SEMA3A: variants seen among roughly 807,000 people sequenced by gnomAD.
SEMA3A encodes semaphorin 3A.
SEMA3A carries 29 observed loss-of-function variants against 97.9 expected under a neutral mutation model. That is an observed-to-expected ratio of 0.30 (90% CI 0.22 to 0.40). The LOEUF is 0.40. Ranked by LOEUF, SEMA3A falls within the 10% of genes least tolerant of loss-of-function variation. SEMA3A has a pLI of 1.00. For missense variants in SEMA3A, 763 were observed against 951.3 expected (o/e 0.80, Z 2.60); for synonymous variants, 321 against 323.7 (o/e 0.99, Z 0.09).
chr7:84,217,080 A>G (rs754669848), intron 3 of SEMA3A, among the ~76,000 whole-genome samples: 1 of 152,220 alleles, frequency 6.6e-6, no homozygotes, highest in Non-Finnish European at 1.5e-5. Flanking sequence ...ATAGCCAACT[A>G]TTCAAAATAA....
chr7:84,490,856 A>G (rs183121403), intron 1 of SEMA3A, among the ~76,000 whole-genome samples: 97 of 152,248 alleles, frequency 6.4e-4, no homozygotes, highest in Non-Finnish European at 1.0e-3. Context: ...CATATGTGTG[A>G]ACTGTACTCT....
intron 14 of SEMA3A, among the ~76,000 whole-genome samples, chr7:83,979,133 CTTT>C (rs761341563): frequency 2.2e-5 from 3 of 134,378 alleles, no homozygotes; most frequent in African/African-American, 5.4e-5. Flanking sequence ...ACGAATTCCA[CTTT>C]TTTTTTTTTT....
intron 3 of SEMA3A, among the ~76,000 whole-genome samples, chr7:84,298,688 A>C (rs1800925041): frequency 2.6e-5 from 4 of 152,202 alleles, no homozygotes; most frequent in Admixed American, 2.6e-4. Flanking sequence ...AAAAGCACTG[A>C]AGAACTTTCT....
At chr7:84,421,116 C>T (rs1227273558) in intron 1 of SEMA3A, among the ~76,000 whole-genome samples, 1 of 151,720 alleles carries the variant, frequency 6.6e-6, no homozygotes, top group African/African-American at 2.4e-5. Flanking sequence ...ACCGAATTCT[C>T]TAGATGAGAA....
chr7:83,971,167 G>GT (rs1788895931), intron 15 of SEMA3A, among the ~76,000 whole-genome samples: 1 of 152,216 alleles, frequency 6.6e-6, no homozygotes, highest in South Asian at 2.1e-4. Context: ...TTTCACACCT[G>GT]TAACTCCAGC....
chr7:84,360,285 A>G (rs1054173478), intron 2 of SEMA3A, among the ~76,000 whole-genome samples: 1 of 151,510 alleles, frequency 6.6e-6, no homozygotes, highest in African/African-American at 2.4e-5. Context: ...TAGTGCTATA[A>G]ATTTCCCTCT....
intron 12 of SEMA3A, among the ~76,000 whole-genome samples, chr7:83,986,969 TTCACA>T (rs1562955698): frequency 5.4e-5 from 8 of 147,208 alleles, no homozygotes; most frequent in Non-Finnish European, 7.5e-5. Context: ...CTCTCTCTCT[TTCACA>T]CACACACACA....
intron 3 of SEMA3A, among the ~76,000 whole-genome samples, chr7:84,292,966 T>G (rs764644217): frequency 6.6e-6 from 1 of 152,084 alleles, no homozygotes; most frequent in Non-Finnish European, 1.5e-5. Context: ...TATAAGAAAC[T>G]AATTTACATG....
intron 4 of SEMA3A, among the ~76,000 whole-genome samples, chr7:84,085,358 A>G (rs1794299420): frequency 6.6e-6 from 1 of 151,938 alleles, no homozygotes; most frequent in Non-Finnish European, 1.5e-5. Context: ...CATATTACAC[A>G]GGGATTTGAA....
At chr7:84,154,573 G>A (rs141113673) in intron 1 of SEMA3A, among the ~76,000 whole-genome samples, 3,602 of 151,670 alleles carry the variant, frequency 0.024, 155 homozygotes, top group African/African-American at 0.081. Flanking sequence ...CTACTCAGGA[G>A]GGTGAGGCAG....
chr7:84,344,882 G>A (rs765802527), intron 2 of SEMA3A, among the ~76,000 whole-genome samples: 84 of 152,038 alleles, frequency 5.5e-4, no homozygotes, highest in Non-Finnish European at 9.0e-4. Context: ...ACAGTGTTAG[G>A]GAAACAATAA....
rs930363332 is a variant in SEMA3A, at chr7:84,148,589, C to G, written c.113-13638G>C. Among the ~76,000 whole-genome samples the G allele has an allele frequency of 2.4e-4, 36 of 152,186 alleles. 1 individual carries two copies. Among genetic ancestry groups the G allele is most frequent in the Non-Finnish European group, 1.8e-4 (12 of 68,034 alleles). ...TTTGGAGTTTATGAAGTCAGATACCCTAATGACATTTGTACATAACAATTC... is the reference window on the plus strand; with the variant it reads ...TTTGGAGTTTATGAAGTCAGATACCGTAATGACATTTGTACATAACAATTC... On this transcript the variant is annotated intron_variant, in intron 1 of 16. Coordinates refer to ENST00000265362, the MANE Select transcript of SEMA3A (RefSeq NM_006080.3).
chr7:84,444,527 C>T (rs967584075), intron 1 of SEMA3A, among the ~76,000 whole-genome samples: 3 of 150,664 alleles, frequency 2.0e-5, no homozygotes, highest in Non-Finnish European at 4.4e-5. Flanking sequence ...TCAACATAGT[C>T]TTGTACATGC....
At chr7:84,258,368 G>A (rs138739618) in intron 3 of SEMA3A, among the ~76,000 whole-genome samples, 134 of 152,220 alleles carry the variant, frequency 8.8e-4, no homozygotes, top group Admixed American at 6.3e-3. Flanking sequence ...GTATTGTAAT[G>A]TTTCTACTGA....
intron 4 of SEMA3A, among the ~76,000 whole-genome samples, chr7:84,107,681 C>T (rs1795151984): frequency 6.6e-6 from 1 of 152,098 alleles, no homozygotes; most frequent in South Asian, 2.1e-4. Context: ...TCTTCATTTC[C>T]CCAGCTGCCC....
At chr7:84,310,298 C>T (rs1801280180) in intron 2 of SEMA3A, among the ~76,000 whole-genome samples, 1 of 151,564 alleles carries the variant, frequency 6.6e-6, no homozygotes, top group Non-Finnish European at 1.5e-5. Flanking sequence ...AGTTTTTCAC[C>T]TATCTTTGGG....
intron 1 of SEMA3A, among the ~76,000 whole-genome samples, chr7:84,390,736 C>T (rs980001741): frequency 6.6e-6 from 1 of 152,008 alleles, no homozygotes; most frequent in African/African-American, 2.4e-5. Flanking sequence ...TCTTGCCTTC[C>T]AGAGACTCTT....
intron 2 of SEMA3A, among the ~76,000 whole-genome samples, chr7:84,364,312 T>C (rs1802792020): frequency 6.6e-6 from 1 of 151,698 alleles, no homozygotes; most frequent in South Asian, 2.1e-4. Flanking sequence ...AAACACCTTG[T>C]ACATTGGCCT....
intron 14 of SEMA3A, among the ~76,000 whole-genome samples, chr7:83,978,172 T>A (rs1258524073): frequency 6.6e-6 from 1 of 152,078 alleles, no homozygotes; most frequent in African/African-American, 2.4e-5. Context: ...CCAATTTACC[T>A]GTGAAGTGAA....
Sources: allele counts gnomAD v4.1 joint callset (sites outside exome capture counted in the v4.1 genomes callset), GRCh38; gene constraint gnomAD v4.1.1; transcripts MANE v1.5; gene names NCBI Gene and HGNC (gene_info 2026-07-23, HGNC 2026-07-21).